The following NRG3 variants were observed in gnomAD, a reference collection of about 807,000 sequenced individuals.
NRG3 encodes pro-neuregulin-3, membrane-bound isoform.
NRG3 carries 31 observed loss-of-function variants against 66.9 expected under a neutral mutation model. The ratio of observed to expected loss-of-function variants is 0.46; its 90% CI spans 0.35 to 0.63. The LOEUF (loss-of-function observed/expected upper bound fraction) is 0.63. NRG3 is among the 20% of genes least tolerant of loss of function. The probability of loss-of-function intolerance (pLI) is 0.00; values close to 1 mark genes in which losing one functional copy is unlikely to be tolerated. For synonymous variants in NRG3, 393 were observed against 359.4 expected, an observed-to-expected ratio of 1.09 and a Z score of -1.06; for missense variants, 910 against 878.9, an observed-to-expected ratio of 1.04 and a Z score of -0.45.
Position 82,524,802 on chromosome 10 carries a change from G to A in NRG3, c.953+165934G>A, listed in dbSNP as rs186908006. 1.6e-3 allele frequency among the ~76,000 whole-genome samples: 244 copies of A among 151,924 alleles called. 1 individual carries two copies. Among genetic ancestry groups the A allele is most frequent in the African/African-American group, 5.3e-3 (222 of 41,532 alleles). Reference sequence around the variant, plus strand: ...TCTTCTCTGATCACTCTGAGTGGAAGTAATTTGTTCTATAATGGACCTCCA... The same window carrying A: ...TCTTCTCTGATCACTCTGAGTGGAAATAATTTGTTCTATAATGGACCTCCA... On this transcript the variant is annotated intron_variant, in intron 2 of 8. Transcript: ENST00000372141.
At chr10:82,138,191 G>A (rs1204000014) in intron 1 of NRG3, among the ~76,000 whole-genome samples, 3 of 151,984 alleles carry the variant, frequency 2.0e-5, no homozygotes, top group African/African-American at 4.8e-5. Flanking sequence ...TGTGTGTTTT[G>A]TCTTGCTCTT....
chr10:82,781,944 T>G (rs1174130293), intron 3 of NRG3, among the ~76,000 whole-genome samples: 2 of 152,208 alleles, frequency 1.3e-5, no homozygotes, highest in Non-Finnish European at 2.9e-5. Context: ...CCTTCATCTC[T>G]ACTTGTTTGC....
chr10:82,036,525 G>A (rs2062799161), intron 1 of NRG3, among the ~76,000 whole-genome samples: 1 of 152,092 alleles, frequency 6.6e-6, no homozygotes, highest in South Asian at 2.1e-4. Flanking sequence ...CAAAGCTTAT[G>A]CTTTATGTTA....
chr10:82,025,571 A>C (rs2062262912), intron 1 of NRG3, among the ~76,000 whole-genome samples: 1 of 152,100 alleles, frequency 6.6e-6, no homozygotes, highest in South Asian at 2.1e-4. Context: ...CTTTCCTTCC[A>C]GGAAGTTTGT....
chr10:82,976,589 A>G (rs985623981), intron 7 of NRG3, among the ~76,000 whole-genome samples: 1 of 152,100 alleles, frequency 6.6e-6, no homozygotes, highest in Non-Finnish European at 1.5e-5. Flanking sequence ...GAATGCTGAT[A>G]TCTTCCTTTT....
intron 1 of NRG3, among the ~76,000 whole-genome samples, chr10:81,906,722 G>A (rs891025954): frequency 1.3e-5 from 2 of 152,150 alleles, no homozygotes; most frequent in African/African-American, 4.8e-5. Flanking sequence ...CAGGAGTGTG[G>A]TTGGCTTGTG....
intron 1 of NRG3, among the ~76,000 whole-genome samples, chr10:81,898,105 G>A (rs1229091089): frequency 6.6e-6 from 1 of 152,174 alleles, no homozygotes; most frequent in African/African-American, 2.4e-5. Context: ...AAGAAAGGAA[G>A]GGATGGCCTG....
chr10:82,016,563 T>G (rs1370598200), intron 1 of NRG3, among the ~76,000 whole-genome samples: 1 of 152,146 alleles, frequency 6.6e-6, no homozygotes, highest in Non-Finnish European at 1.5e-5. Flanking sequence ...AGGACAGGTG[T>G]CTTGATCGTT....
At chr10:82,714,522 A>G (rs2056861626) in intron 2 of NRG3, among the ~76,000 whole-genome samples, 1 of 152,212 alleles carries the variant, frequency 6.6e-6, no homozygotes, top group South Asian at 2.1e-4. Flanking sequence ...TCTGATGATC[A>G]AATATTTATC....
chr10:82,609,730 A>G (rs987835417), intron 2 of NRG3, among the ~76,000 whole-genome samples: 1 of 152,220 alleles, frequency 6.6e-6, no homozygotes, highest in Non-Finnish European at 1.5e-5. Flanking sequence ...ATGTAACTAC[A>G]TTAACATTCA....
chr10:82,099,257 T>G (rs1340108578), intron 1 of NRG3, among the ~76,000 whole-genome samples: 1 of 152,220 alleles, frequency 6.6e-6, no homozygotes, highest in Non-Finnish European at 1.5e-5. Flanking sequence ...AAATTTTGAG[T>G]TAATATTTTT....
At chr10:82,313,518 G>T (rs1181569860) in intron 1 of NRG3, among the ~76,000 whole-genome samples, 1 of 151,998 alleles carries the variant, frequency 6.6e-6, no homozygotes, top group Non-Finnish European at 1.5e-5. Flanking sequence ...GACACCAAAG[G>T]TCTCAGATGC....
intron 1 of NRG3, among the ~76,000 whole-genome samples, chr10:81,948,280 A>G (rs895799988): frequency 6.6e-6 from 1 of 152,204 alleles, no homozygotes; most frequent in Non-Finnish European, 1.5e-5. Context: ...CTACTCAGGC[A>G]TAGCCTCACC....
At chr10:82,408,085 CAGAAAGAAAGAAAGAAAGAA>C (rs71009807) in intron 2 of NRG3, among the ~76,000 whole-genome samples, 55 of 74,844 alleles carry the variant, frequency 7.3e-4, no homozygotes, top group South Asian at 1.6e-3. Flanking sequence ...GAGAGAGAGA[CAGAAAGAAAGAAAGAAAGAA>C]AGAAAGAAAG....
intron 3 of NRG3, among the ~76,000 whole-genome samples, chr10:82,806,171 A>T (rs75228291): frequency 1.3e-5 from 2 of 152,198 alleles, no homozygotes; most frequent in African/African-American, 4.8e-5. Flanking sequence ...TCAGGGAAAC[A>T]TCAGCTATGG....
intron 2 of NRG3, among the ~76,000 whole-genome samples, chr10:82,370,493 G>A (rs986473778): frequency 7.6e-6 from 1 of 131,714 alleles, no homozygotes; most frequent in African/African-American, 3.8e-5. Flanking sequence ...GGAATGGAAA[G>A]CCAAAAGGCA....
intron 2 of NRG3, among the ~76,000 whole-genome samples, chr10:82,657,991 A>G (rs1276771272): frequency 2.0e-5 from 3 of 152,078 alleles, no homozygotes; most frequent in Admixed American, 6.5e-5. Context: ...AGAAAATCTG[A>G]TTCTACACAA....
At chr10:82,486,779 G>A (rs1842714614) in intron 2 of NRG3, among the ~76,000 whole-genome samples, 1 of 152,060 alleles carries the variant, frequency 6.6e-6, no homozygotes, top group African/African-American at 2.4e-5. Flanking sequence ...GCTATAACAT[G>A]GATCAACTTT....
At chr10:82,162,081 T>C (rs2071643898) in intron 1 of NRG3, among the ~76,000 whole-genome samples, 1 of 152,152 alleles carries the variant, frequency 6.6e-6, no homozygotes. Context: ...TTTGTTTCAC[T>C]AGAATAGATT....
Sources: gnomAD v4.1 joint callset for allele counts (sites outside exome capture counted in the v4.1 genomes callset) on GRCh38, gnomAD v4.1.1 for gene constraint, MANE v1.5 for transcripts, NCBI Gene and HGNC (gene_info 2026-07-23, HGNC 2026-07-21) for gene names.